The following RPIA variants were observed in gnomAD, a reference collection of about 807,000 sequenced individuals.
RPIA encodes the protein ribose-5-phosphate isomerase.
In RPIA, 29 loss-of-function variants were observed where a neutral mutation model predicts 37.8. That is an observed-to-expected ratio of 0.77 (90% CI 0.57 to 1.05). RPIA has a LOEUF of 1.05. Ranked by LOEUF, RPIA falls within the 50% of genes least tolerant of loss-of-function variation. The probability of loss-of-function intolerance (pLI) is 0.00; values close to 1 mark genes in which losing one functional copy is unlikely to be tolerated. For missense variants in RPIA, 385 were observed against 413.6 expected (o/e 0.93, Z 0.60); for synonymous variants, 167 against 157.0 (o/e 1.06, Z -0.48).
intron 8 of RPIA, 87 bp downstream of exon 8, chr2:88,738,163 C>G: frequency 1.0e-6 from 1 of 958,260 alleles, no homozygotes; most frequent in Non-Finnish European, 1.7e-6. Flanking sequence ...GCACAATGGA[C>G]ATGGGCTTTG....
rs145686199 is a variant in RPIA at position 88,734,510 on chromosome 2, C to T, written c.463-42C>T. The T allele has an allele frequency of 6.6e-4, 1,050 of 1,600,560 alleles. 1 individual carries two copies. In the African/African-American group the frequency reaches 8.4e-3, roughly 13 times the overall value. On this transcript the variant is annotated intron_variant, in intron 4 of 8. Coordinates refer to ENST00000283646, the MANE Select transcript of RPIA (RefSeq NM_144563.3). ...ATGCTCAGGCAATTAGCAGAGGCTC[C>T]CCTCGAGTGGTTTTTGTATCTTTAC...
chr2:88,700,157 A>G, intron 3 of RPIA, 93 bp downstream of exon 3: 1 of 1,147,222 alleles, frequency 8.7e-7, no homozygotes, highest in South Asian at 1.2e-5. Flanking sequence ...TTGTACCTCA[A>G]GGTTGTTCTA....
At chr2:88,744,026 A>G (rs956138475) in intron 8 of RPIA, among the ~76,000 whole-genome samples, 13 of 151,466 alleles carry the variant, frequency 8.6e-5, no homozygotes, top group Non-Finnish European at 4.4e-5. Context: ...CTCTTATCTT[A>G]GTTATTTCTT....
intron 5 of RPIA, 37 bp from the exon 6 acceptor site, chr2:88,735,632 T>A (rs1318568405): frequency 1.9e-6 from 3 of 1,600,956 alleles, no homozygotes; most frequent in Middle Eastern, 1.6e-4. Context: ...CTGAGATTTT[T>A]GTCTTACTCC....
chr2:88,746,220 T>C (rs1673436182), intron 8 of RPIA, among the ~76,000 whole-genome samples: 1 of 152,202 alleles, frequency 6.6e-6, no homozygotes, highest in Non-Finnish European at 1.5e-5. Flanking sequence ...GGTACCTCCT[T>C]GAGTAGCTTA....
chr2:88,695,469 A>G (rs1445526477), intron 1 of RPIA, among the ~76,000 whole-genome samples: 1 of 152,248 alleles, frequency 6.6e-6, no homozygotes, highest in African/African-American at 2.4e-5. Context: ...ATTTGATCAC[A>G]GAAGTCTTCT....
At chr2:88,707,144 T>TG (rs1048458190) in intron 3 of RPIA, among the ~76,000 whole-genome samples, 1 of 152,232 alleles carries the variant, frequency 6.6e-6, no homozygotes, top group African/African-American at 2.4e-5. Context: ...TTTCCATCAC[T>TG]GGGTTTTGGC....
chr2:88,693,017 G>C (rs892941730), intron 1 of RPIA, among the ~76,000 whole-genome samples: 14 of 152,132 alleles, frequency 9.2e-5, no homozygotes, highest in African/African-American at 3.4e-4. Context: ...TTGTAAGTCT[G>C]ATTGGCAATA....
chr2:88,737,023 C>A (rs551919341), intron 7 of RPIA, among the ~76,000 whole-genome samples: 16 of 152,228 alleles, frequency 1.1e-4, no homozygotes, highest in Admixed American at 2.0e-4. Flanking sequence ...TTGGGAACTG[C>A]TTGGAACAGA....
intron 8 of RPIA, among the ~76,000 whole-genome samples, chr2:88,741,992 ACT>A (rs960571057): frequency 4.0e-5 from 6 of 151,694 alleles, no homozygotes; most frequent in African/African-American, 1.5e-4. Flanking sequence ...ATTTTCTCCC[ACT>A]CTGTGGGTTG....
At chr2:88,712,254 C>T (rs186966662) in intron 3 of RPIA, among the ~76,000 whole-genome samples, 3 of 152,254 alleles carry the variant, frequency 2.0e-5, no homozygotes, top group East Asian at 1.9e-4. Context: ...TTGATTTTCT[C>T]CTGCATTTGT....
chr2:88,696,941 T>A (rs1352965715), intron 1 of RPIA, among the ~76,000 whole-genome samples: 4 of 152,178 alleles, frequency 2.6e-5, no homozygotes, highest in African/African-American at 7.2e-5. Context: ...AACGTGAGTT[T>A]TGGTGGAGAT....
chr2:88,715,363 A>ATTT (rs1458495835), intron 3 of RPIA, among the ~76,000 whole-genome samples: 1 of 152,252 alleles, frequency 6.6e-6, no homozygotes, highest in African/African-American at 2.4e-5. Context: ...CAGGATCTGA[A>ATTT]AAAATCATAA....
chr2:88,709,736 A>G (rs1301632431), intron 3 of RPIA, among the ~76,000 whole-genome samples: 4 of 152,150 alleles, frequency 2.6e-5, no homozygotes, highest in Admixed American at 1.3e-4. Context: ...TTGTTTTTCA[A>G]TGGAACTCAT....
intron 3 of RPIA, among the ~76,000 whole-genome samples, chr2:88,718,321 A>G (rs897399488): frequency 6.6e-6 from 1 of 152,156 alleles, no homozygotes; most frequent in Non-Finnish European, 1.5e-5. Context: ...TTATTTGTAT[A>G]CAGTGCAGCA....
At chr2:88,713,116 ATATAT>A (rs1174756234) in intron 3 of RPIA, among the ~76,000 whole-genome samples, 1 of 52,142 alleles carries the variant, frequency 1.9e-5, no homozygotes, top group African/African-American at 1.0e-4. Context: ...ATATATATAT[ATATAT>A]TTTTTTTTTT....
rs183297771 is a variant in RPIA, at chr2:88,713,798, C to T, written c.402+13734C>T. Among the ~76,000 whole-genome samples the T allele has an allele frequency of 5.9e-5, 9 of 152,042 alleles. No individual in the cohort carries two copies. The East Asian group carries it at 1.7e-3, about 29-fold the overall frequency. On this transcript the variant is annotated intron_variant, in intron 3 of 8. Transcript: ENST00000283646. ...GCTTCATTTTTAGCTTTGCCTTTTT[C>T]TGACCCTTTTATTGAGCTTTCTTTG...
chr2:88,738,583 A>G (rs974597811), intron 8 of RPIA, among the ~76,000 whole-genome samples: 5 of 152,250 alleles, frequency 3.3e-5, no homozygotes, highest in Admixed American at 6.5e-5. Context: ...ACCTGGGGAA[A>G]TCTGTGTGTG....
intron 2 of RPIA, 48 bp downstream of exon 2, chr2:88,698,592 T>TA: frequency 6.4e-7 from 1 of 1,553,204 alleles, no homozygotes; most frequent in Non-Finnish European, 8.9e-7. Flanking sequence ...GATGATGGGG[T>TA]AGGGAGGTAG....
Sources: allele counts gnomAD v4.1 joint callset (sites outside exome capture counted in the v4.1 genomes callset), GRCh38; gene constraint gnomAD v4.1.1; transcripts MANE v1.5; gene names NCBI Gene and HGNC (gene_info 2026-07-23, HGNC 2026-07-21).